The following MYH14 variants were observed in gnomAD, a reference collection of about 807,000 sequenced individuals.
MYH14 encodes the protein myosin heavy chain 14.
Under a neutral mutation model 255.5 loss-of-function variants are expected in MYH14, and 123 were observed. That is an observed-to-expected ratio of 0.48 (90% CI 0.42 to 0.56). The LOEUF (loss-of-function observed/expected upper bound fraction) is 0.56, where lower values mean the gene tolerates loss of function less well. MYH14 is among the 20% of genes least tolerant of loss of function. The probability of loss-of-function intolerance (pLI) is 0.00; values close to 1 mark genes in which losing one functional copy is unlikely to be tolerated. For missense variants in MYH14, 2,423 were observed against 2,802.3 expected (o/e 0.86, Z 3.06); for synonymous variants, 1,095 against 1,161.2 (o/e 0.94, Z 1.16).
intron 19 of MYH14, among the ~76,000 whole-genome samples, chr19:50,260,425 A>G (rs1337015127): frequency 6.6e-6 from 1 of 152,218 alleles, no homozygotes; most frequent in Non-Finnish European, 1.5e-5. Context: ...ACTCTGTCTC[A>G]AAAAACAAAC....
intron 10 of MYH14, among the ~76,000 whole-genome samples, chr19:50,241,689 C>T (rs1399502931): frequency 6.6e-6 from 1 of 150,920 alleles, no homozygotes; most frequent in Non-Finnish European, 1.5e-5. Context: ...ATTGCCCAGG[C>T]TTGAGTGCAG....
chr19:50,225,541 C>A, intron 6 of MYH14, 44 bp from the exon 7 acceptor site: 1 of 1,534,278 alleles, frequency 6.5e-7, no homozygotes, highest in Non-Finnish European at 8.9e-7. Context: ...TGGCCTCCTG[C>A]CCCATTCTCA....
intron 39 of MYH14, among the ~76,000 whole-genome samples, chr19:50,300,693 G>A (rs1015969818): frequency 9.2e-5 from 14 of 152,186 alleles, no homozygotes; most frequent in Admixed American, 8.5e-4. Flanking sequence ...AGGTTGCAGT[G>A]AGCTGAGATC....
rs2034887185 is a variant in MYH14 at position 50,261,736 on chromosome 19, A to G, written c.2585+101A>G. On this transcript the variant is annotated intron_variant, in intron 21 of 42. Transcript: ENST00000642316. ...GTGTCAGGGCCTCCAGGATGGGTGC[A>G]GGGCTGAGGAGCAGGTGGATGGAGG... The G allele has an allele frequency of 1.1e-5, 13 of 1,147,618 alleles. No individual in the cohort carries two copies. The South Asian group carries it at 1.9e-4, about 17-fold the overall frequency. The allele number at this position is 1,147,618 out of a possible 1,614,324, so 71.1% of individuals were successfully genotyped here.
At chr19:50,240,789 A>G (rs541730021) in intron 10 of MYH14, among the ~76,000 whole-genome samples, 27 of 151,626 alleles carry the variant, frequency 1.8e-4, no homozygotes, top group Admixed American at 2.6e-4. Context: ...AAATAAAATA[A>G]AATAAAAAAA....
In MYH14 at chr19:50,271,774, G is replaced by A; in HGVS notation, c.3172-75G>A. 3 of 1,592,174 alleles carry A rather than the reference G, an allele frequency of 1.9e-6. No homozygotes were observed. The South Asian group carries it at 3.4e-5, about 18-fold the overall frequency. On this transcript the variant is annotated intron_variant, in intron 25 of 42. Coordinates refer to ENST00000642316, the MANE Select transcript of MYH14 (RefSeq NM_001145809.2). Reference sequence around the variant, plus strand: ...AGAAACATAGATGAGAACAACACCAGAAGCTGCAGATCAGGTAAGGGCTGC... The same window carrying A: ...AGAAACATAGATGAGAACAACACCAAAAGCTGCAGATCAGGTAAGGGCTGC...
rs1326232209 is a variant in MYH14, at chr19:50,249,661, C to A, written c.1494C>A (p.Phe498Leu). ...AGFEIFQLNS[F>L]EQLCINYTNE... The stretch of plus-strand genomic sequence containing the variant: ...CTGCGTCCCTGCAGCTGAACTCCTT[C>A]GAGCAGCTCTGCATCAACTACACCA... Residue 498 changes from phenylalanine to leucine, a missense_variant, in exon 14 of 43, where the codon TTC becomes TTA. Transcript: ENST00000642316. 1 of 1,614,182 alleles carries A rather than the reference C, an allele frequency of 6.2e-7. No individual in the cohort carries two copies. Among genetic ancestry groups the A allele is most frequent in the East Asian group, 2.2e-5 (1 of 44,876 alleles).
chr19:50,295,579 G>A (rs11881505), intron 39 of MYH14, among the ~76,000 whole-genome samples: 21,887 of 152,036 alleles, frequency 0.14, 2,823 homozygotes, highest in African/African-American at 0.35. Flanking sequence ...TGCTTTTAGC[G>A]TAGGAGCTCC....
At chr19:50,308,955 A>G (rs776584199) in intron 41 of MYH14, 50 bp from the exon 42 acceptor site, 2 of 1,516,668 alleles carry the variant, frequency 1.3e-6, no homozygotes, top group Middle Eastern at 2.3e-4. Flanking sequence ...AGAGGGAGGG[A>G]GTGATGACAG....
In MYH14 at chr19:50,221,301, C is replaced by A. The variant is rs138120076; in HGVS notation, c.563-1782C>A. ...CAACTCAGAGACTGGCCCAAGGTCA[C>A]GCAGCAAGTCAGAGAGGCAGCCGGG... On this transcript the variant is annotated intron_variant, in intron 3 of 42. Coordinates refer to ENST00000642316, the MANE Select transcript of MYH14 (RefSeq NM_001145809.2). The surrounding 1 kb of genome is among the most constrained non-coding windows in gnomAD (Gnocchi z 5.3). 6.6e-6 allele frequency among the ~76,000 whole-genome samples: 1 copy of A among 152,066 alleles called. No homozygotes were observed. Among genetic ancestry groups the A allele is most frequent in the Non-Finnish European group, 1.5e-5 (1 of 68,018 alleles).
intron 3 of MYH14, among the ~76,000 whole-genome samples, chr19:50,222,779 C>T (rs1174412769): frequency 6.6e-6 from 1 of 152,150 alleles, no homozygotes; most frequent in Admixed American, 6.5e-5. Flanking sequence ...AGGCAGCACA[C>T]AGTAGGGTCT....
In MYH14 at chr19:50,268,174, G is replaced by A. The variant is rs374883445; in HGVS notation, c.2840G>A (p.Arg947His). 4.7e-5 allele frequency: 72 copies of A among 1,546,824 alleles called. No individual in the cohort carries two copies. In the African/African-American group the frequency reaches 5.1e-4, roughly 11 times the overall value. The change falls in exon 24 of 43, where the codon CGC becomes CAC. Residue 947 changes from arginine to histidine, a missense_variant. Around this residue, in one of 3 missense-constraint regions of MYH14, gnomAD observed 1,513 missense variants for 1,674.8 expected, o/e 0.90. Coordinates refer to ENST00000642316, the MANE Select transcript of MYH14 (RefSeq NM_001145809.2). Reference protein sequence around the residue: ...QGRVAQLEEERARLAEQLRAE... With the variant: ...QGRVAQLEEEHARLAEQLRAE... ...CACACTCCCCAGCTGGAAGAGGAGC[G>A]CGCCCGCCTGGCAGAGCAATTGCGA...
intron 24 of MYH14, among the ~76,000 whole-genome samples, chr19:50,271,003 TGTTTATA>T (rs1242210507): frequency 6.6e-6 from 1 of 152,176 alleles, no homozygotes; most frequent in African/African-American, 2.4e-5. Context: ...CTATTTACTA[TGTTTATA>T]GTTTATAATC....
At chr19:50,248,443 G>A (rs771198187) in intron 12 of MYH14, among the ~76,000 whole-genome samples, 69 of 152,140 alleles carry the variant, frequency 4.5e-4, no homozygotes, top group Admixed American at 1.3e-4. Context: ...GGCCAGGGAG[G>A]GTTTCAGAAT....
intron 39 of MYH14, among the ~76,000 whole-genome samples, chr19:50,295,085 G>A (rs997038115): frequency 6.6e-6 from 1 of 151,818 alleles, no homozygotes; most frequent in Non-Finnish European, 1.5e-5. Flanking sequence ...CAGAACTTTG[G>A]GAGGCCGAGG....
At chr19:50,296,815 A>G (rs544690919) in intron 39 of MYH14, among the ~76,000 whole-genome samples, 4 of 152,262 alleles carry the variant, frequency 2.6e-5, no homozygotes, top group Non-Finnish European at 4.4e-5. Flanking sequence ...TTGAGCTTCA[A>G]TGAGGAAAAT....
At chr19:50,228,705 G>C (rs1336622742) in intron 8 of MYH14, among the ~76,000 whole-genome samples, 2 of 152,184 alleles carry the variant, frequency 1.3e-5, no homozygotes, top group Non-Finnish European at 2.9e-5. Context: ...CCTGGCACTT[G>C]TGTGTCTCTG....
intron 1 of MYH14, 53 bp downstream of exon 1, chr19:50,203,724 A>AGG (rs1416700095): frequency 6.6e-6 from 1 of 152,266 alleles, no homozygotes; most frequent in East Asian, 1.9e-4. Flanking sequence ...GGACTGAGCC[A>AGG]GGGGAAGCTG....
chr19:50,263,807 AG>A (rs746434184), intron 22 of MYH14, among the ~76,000 whole-genome samples: 3 of 152,116 alleles, frequency 2.0e-5, no homozygotes, highest in Non-Finnish European at 4.4e-5. Flanking sequence ...CTGTAATCCC[AG>A]CAGTGTGAGA....
Sources: gnomAD v4.1 joint callset for allele counts (sites outside exome capture counted in the v4.1 genomes callset) on GRCh38, gnomAD v4.1.1 for gene constraint, gnomAD v4.1.1 regional missense constraint, Gnocchi (gnomAD v3.1) non-coding constraint, MANE v1.5 for transcripts, NCBI Gene and HGNC (gene_info 2026-07-23, HGNC 2026-07-21) for gene names.